Variants in ATP9B observed in about 807,000 individuals in gnomAD.
ATP9B encodes probable phospholipid-transporting ATPase IIB.
ATP9B carries 110 observed loss-of-function variants against 146.1 expected under a neutral mutation model. The observed-to-expected ratio is 0.75, with a 90% CI of 0.65 to 0.88. The LOEUF (loss-of-function observed/expected upper bound fraction) is 0.88. ATP9B is among the 40% of genes least tolerant of loss of function. ATP9B has a pLI of 0.00. For synonymous variants in ATP9B, 604 were observed against 569.7 expected (o/e 1.06, Z -0.86); for missense variants, 1,499 against 1,496.4 (o/e 1.00, Z -0.03).
intron 1 of ATP9B, among the ~76,000 whole-genome samples, chr18:79,092,438 A>G (rs2074404884): frequency 6.6e-6 from 1 of 152,174 alleles, no homozygotes; most frequent in Non-Finnish European, 1.5e-5. Flanking sequence ...ACAGGACACA[A>G]ATTTACAGTG....
At chr18:79,354,241 A>G (rs1168975706) in intron 25 of ATP9B, 1 of 152,108 alleles carries the variant, frequency 6.6e-6, no homozygotes, top group East Asian at 1.9e-4. Context: ...TAACTATGAG[A>G]GTGTGTTCTC....
At position 79,185,552 on chromosome 18, in the gene ATP9B, G is replaced by T. The variant is rs535960973; in HGVS notation, c.874-7631G>T. On this transcript the variant is annotated intron_variant, in intron 8 of 29. Coordinates refer to ENST00000426216, the MANE Select transcript of ATP9B (RefSeq NM_198531.5). ...TTTGCTGTTACCACACCACCAAAAAGCAGTATATCCTAGGAAAAAAGGAAG... is the reference window on the plus strand; with the variant it reads ...TTTGCTGTTACCACACCACCAAAAATCAGTATATCCTAGGAAAAAAGGAAG... Among the ~76,000 whole-genome samples, 4 of 152,260 alleles carry T rather than the reference G, an allele frequency of 2.6e-5. No homozygotes were observed. In the South Asian group the frequency reaches 8.3e-4, roughly 32 times the overall value.
intron 26 of ATP9B, among the ~76,000 whole-genome samples, chr18:79,364,885 G>C (rs887725814): frequency 1.3e-5 from 2 of 152,014 alleles, no homozygotes; most frequent in Non-Finnish European, 2.9e-5. Flanking sequence ...AATGAGCTGA[G>C]CATGGTGGTT....
chr18:79,203,883 CT>C (rs546414916), intron 9 of ATP9B, among the ~76,000 whole-genome samples: 1 of 152,014 alleles, frequency 6.6e-6, no homozygotes, highest in South Asian at 2.1e-4. Flanking sequence ...GGATATATAT[CT>C]TTTTTTTGTT....
chr18:79,371,280 G>A (rs1333968423), intron 26 of ATP9B, among the ~76,000 whole-genome samples: 1 of 150,824 alleles, frequency 6.6e-6, no homozygotes, highest in Non-Finnish European at 1.5e-5. Flanking sequence ...GCTGAGGCAG[G>A]AGAATTGCTT....
chr18:79,264,179 A>C (rs191928035), intron 12 of ATP9B, among the ~76,000 whole-genome samples: 3 of 152,214 alleles, frequency 2.0e-5, no homozygotes, highest in African/African-American at 7.2e-5. Context: ...ACTGTTTTTC[A>C]AAGTGTTTGT....
chr18:79,344,347 C>T lies in ATP9B; in HGVS notation c.2465C>T (p.Ser822Phe). The T allele has an allele frequency of 6.2e-7, 1 of 1,614,122 alleles. No homozygotes were observed. Among genetic ancestry groups the T allele is most frequent in the Non-Finnish European group, 8.5e-7 (1 of 1,179,996 alleles). Residue 822 changes from serine to phenylalanine, a missense_variant, in exon 21 of 30, where the codon TCT becomes TTT. By Grantham distance (155) the Ser-to-Phe change is radical (BLOSUM62 -2). Transcript: ENST00000426216. Reference sequence around the variant, plus strand: ...TGTGCACTAGTCATATCTGGGGACTCTCTGGAGGTAAGGCTGGACCCTGAG... The same window carrying T: ...TGTGCACTAGTCATATCTGGGGACTTTCTGGAGGTAAGGCTGGACCCTGAG... ...HDCALVISGD[S>F]LEVCLKYYEH... is the part of the protein sequence containing the mutation.
At chr18:79,148,675 T>TGCTGTTACTGTTACTCAATGGC (rs1301094731) in intron 6 of ATP9B, among the ~76,000 whole-genome samples, 1 of 152,202 alleles carries the variant, frequency 6.6e-6, no homozygotes, top group Non-Finnish European at 1.5e-5. Flanking sequence ...CAAGGATGTT[T>TGCTGTTACTGTTACTCAATGGC]GCTGTTACTG....
chr18:79,075,917 C>A (rs2072556244), intron 1 of ATP9B, among the ~76,000 whole-genome samples: 1 of 152,102 alleles, frequency 6.6e-6, no homozygotes, highest in Non-Finnish European at 1.5e-5. Context: ...TAGCGTTCTT[C>A]AGTGTATTTC....
At chr18:79,217,573 T>G (rs553080418) in intron 11 of ATP9B, among the ~76,000 whole-genome samples, 1 of 152,340 alleles carries the variant, frequency 6.6e-6, no homozygotes, top group South Asian at 2.1e-4. Flanking sequence ...AATGCTAGTT[T>G]TACAAGAATA....
At chr18:79,259,398 T>C (rs1038885035) in intron 12 of ATP9B, among the ~76,000 whole-genome samples, 4 of 150,596 alleles carry the variant, frequency 2.7e-5, no homozygotes, top group Non-Finnish European at 5.9e-5. Context: ...AAAAACTGTC[T>C]TATCAGTGCT....
chr18:79,115,359 A>G (rs1441337048), intron 4 of ATP9B: 2 of 132,206 alleles, frequency 1.5e-5, no homozygotes, highest in Non-Finnish European at 1.6e-5. Flanking sequence ...GGTAATTTAC[A>G]GATTCAATGC....
At chr18:79,228,674 A>G (rs73002025) in intron 11 of ATP9B, among the ~76,000 whole-genome samples, 1,693 of 152,312 alleles carry the variant, frequency 0.011, 14 homozygotes, top group Middle Eastern at 0.051. Context: ...CTGGTATCAG[A>G]GATACTATTT....
intron 13 of ATP9B, among the ~76,000 whole-genome samples, chr18:79,297,027 C>A: frequency 7.7e-6 from 1 of 129,590 alleles, no homozygotes; most frequent in African/African-American, 3.0e-5. Flanking sequence ...CAGAGACGAC[C>A]CAGAGAGAAG....
chr18:79,153,394 A>G (rs1285261861), intron 6 of ATP9B, among the ~76,000 whole-genome samples: 1 of 152,164 alleles, frequency 6.6e-6, no homozygotes, highest in Non-Finnish European at 1.5e-5. Flanking sequence ...TCATGAAAGA[A>G]TATCTCCTCA....
chr18:79,349,715 C>T (rs906064713), intron 25 of ATP9B, among the ~76,000 whole-genome samples: 9 of 152,134 alleles, frequency 5.9e-5, no homozygotes, highest in East Asian at 3.9e-4. Flanking sequence ...CACTGAGAGG[C>T]GCCCCCGTCA....
At chr18:79,193,326 T>C in intron 9 of ATP9B, 63 bp downstream of exon 9, 1 of 1,280,160 alleles carries the variant, frequency 7.8e-7, no homozygotes, top group South Asian at 1.2e-5. Flanking sequence ...TAGCAAACCT[T>C]TGAGACAGTA....
intron 17 of ATP9B, among the ~76,000 whole-genome samples, chr18:79,336,207 A>G (rs2096825617): frequency 7.2e-6 from 1 of 139,536 alleles, no homozygotes; most frequent in African/African-American, 2.5e-5. Flanking sequence ...GCCTGTCCCC[A>G]GCACCGCCAT....
Position 79,168,898 on chromosome 18 carries a change from A to G in ATP9B, c.779-7915A>G, listed in dbSNP as rs114664214. Among the ~76,000 whole-genome samples the G allele has an allele frequency of 2.7e-3, 416 of 152,088 alleles. 3 individuals are homozygous for G. The highest frequency in any genetic ancestry group is 9.5e-3 in the African/African-American group (396 of 41,520). On this transcript the variant is annotated intron_variant, in intron 7 of 29. Transcript: ENST00000426216. ...TTGTATTAAATCTCTTCCATGCCTC[A>G]TTCTTCTCCTTGCCACATTATCCCT...
Sources: gnomAD v4.1 joint callset for allele counts (sites outside exome capture counted in the v4.1 genomes callset) on GRCh38, gnomAD v4.1.1 for gene constraint, MANE v1.5 for transcripts, NCBI Gene and HGNC (gene_info 2026-07-23, HGNC 2026-07-21) for gene names.